Variants in BCAS3 observed in about 807,000 individuals in gnomAD.
BCAS3 encodes the protein BCAS4/BCAS3 fusion.
Under a neutral mutation model 116.1 loss-of-function variants are expected in BCAS3, and 53 were observed. The observed-to-expected ratio is 0.46, with a 90% CI of 0.37 to 0.57. The LOEUF (loss-of-function observed/expected upper bound fraction) is 0.57. Among genes scored for constraint, BCAS3 ranks in the 20% least tolerant of loss-of-function variants. The pLI is 0.00. For missense variants in BCAS3, 917 were observed against 1,165.4 expected (o/e 0.79, Z 3.10); for synonymous variants, 391 against 408.2 (o/e 0.96, Z 0.51).
rs2049652546 is a variant in BCAS3, at chr17:61,265,837, A to G, written c.2426-102490A>G. ...TTTGACTCCACCATTTTTATAATAA[A>G]CACTTGCAAACTCACACCTTCTCTT... On this transcript the variant is annotated intron_variant, in intron 22 of 23. Coordinates refer to ENST00000407086, the MANE Select transcript of BCAS3 (RefSeq NM_017679.5). This position sits in a 1 kb window ranked among gnomAD's most constrained non-coding sequence, Gnocchi z 4.3. 6.6e-6 allele frequency among the ~76,000 whole-genome samples: 1 copy of G among 152,202 alleles called. No individual in the cohort carries two copies. The highest frequency in any genetic ancestry group is 2.1e-4 in the South Asian group (1 of 4,822).
In BCAS3 at chr17:61,204,009, G is replaced by A. The variant is rs1008093898; in HGVS notation, c.2425+119445G>A. The stretch of plus-strand genomic sequence containing the variant: ...CTGGGGTTTTGGCAGCCTGTCCTCG[G>A]GTTGTTCAGCCTGGTGACCCTAGCC... On this transcript the variant is annotated intron_variant, in intron 22 of 23. Transcript: ENST00000407086. The surrounding 1 kb of genome is among the most constrained non-coding windows in gnomAD (Gnocchi z 4.2). 4.6e-5 allele frequency among the ~76,000 whole-genome samples: 7 copies of A among 152,162 alleles called. No individual in the cohort carries two copies. The highest frequency in any genetic ancestry group is 8.8e-5 in the Non-Finnish European group (6 of 68,034).
rs1432653062 is a variant in BCAS3, at chr17:60,967,350, A to C, written c.1221+19998A>C. On this transcript the variant is annotated intron_variant, in intron 14 of 23. Coordinates refer to ENST00000407086, the MANE Select transcript of BCAS3 (RefSeq NM_017679.5). The surrounding 1 kb of genome is among the most constrained non-coding windows in gnomAD (Gnocchi z 4.7). ...GGATGGCAATGTTTTCTCCTTGAGC[A>C]CTTTGAAAATGTTGTTATACTCCCT... Among the ~76,000 whole-genome samples, 1 of 152,142 alleles carries C rather than the reference A, an allele frequency of 6.6e-6. No homozygotes were observed. The highest frequency in any genetic ancestry group is 1.9e-4 in the East Asian group (1 of 5,184).
chr17:61,046,483 A>G (rs942326777), intron 19 of BCAS3, among the ~76,000 whole-genome samples: 1 of 151,772 alleles, frequency 6.6e-6, no homozygotes, highest in African/African-American at 2.4e-5. Flanking sequence ...TGCTGGTACT[A>G]TATTTGCATA....
chr17:61,332,122 C>T lies in BCAS3; in HGVS notation c.2426-36205C>T, dbSNP rs1220904894. ...AAGTGCAGAGAGTTGCCACCCAGCC[C>T]GCCGGGCTCTGGAGCTGGGCCACGG... On this transcript the variant is annotated intron_variant, in intron 22 of 23. Transcript: ENST00000407086. This position sits in a 1 kb window ranked among gnomAD's most constrained non-coding sequence, Gnocchi z 5.4. Among the ~76,000 whole-genome samples the T allele has an allele frequency of 6.6e-6, 1 of 152,194 alleles. No homozygotes were observed. The highest frequency in any genetic ancestry group is 2.4e-5 in the African/African-American group (1 of 41,432).
intron 22 of BCAS3, among the ~76,000 whole-genome samples, chr17:61,169,002 G>C (rs754567755): frequency 6.6e-6 from 1 of 152,118 alleles, no homozygotes; most frequent in Admixed American, 6.5e-5. Context: ...GATCAGACAG[G>C]GGCCTGCTTT....
rs1010141705 is a variant in BCAS3 at position 61,082,704 on chromosome 17, C to T, written c.2328-1763C>T. On this transcript the variant is annotated intron_variant, in intron 21 of 23. Transcript: ENST00000407086. This position sits in a 1 kb window ranked among gnomAD's most constrained non-coding sequence, Gnocchi z 5.1. ...CTTTAAATAAACTTCTCTTTTCTAA[C>T]TGGCCCACATTAGCTTAGGCTTACC... Among the ~76,000 whole-genome samples, 2 of 152,218 alleles carry T rather than the reference C, an allele frequency of 1.3e-5. No homozygotes were observed. Among genetic ancestry groups the T allele is most frequent in the Non-Finnish European group, 2.9e-5 (2 of 68,038 alleles).
chr17:61,229,186 C>T lies in BCAS3; in HGVS notation c.2426-139141C>T, dbSNP rs544702996. Reference sequence around the variant, plus strand: ...GAGCCACCGCACCTGGCCACCACCACATTCCTTTAAGCCAAAGCCTAATCC... The same window carrying T: ...GAGCCACCGCACCTGGCCACCACCATATTCCTTTAAGCCAAAGCCTAATCC... On this transcript the variant is annotated intron_variant, in intron 22 of 23. Transcript: ENST00000407086. This position sits in a 1 kb window ranked among gnomAD's most constrained non-coding sequence, Gnocchi z 4.4. Among the ~76,000 whole-genome samples the T allele has an allele frequency of 1.3e-5, 2 of 152,330 alleles. No homozygotes were observed. Among genetic ancestry groups the T allele is most frequent in the East Asian group, 3.9e-4 (2 of 5,186 alleles).
At chr17:60,831,332 A>T (rs150910448) in intron 7 of BCAS3, among the ~76,000 whole-genome samples, 45 of 151,512 alleles carry the variant, frequency 3.0e-4, no homozygotes, top group African/African-American at 1.0e-3. Flanking sequence ...GCGTGCCACC[A>T]CGCCTAGCTA....
chr17:61,069,720 C>A, intron 19 of BCAS3: 1 of 574,746 alleles, frequency 1.7e-6, no homozygotes, highest in Non-Finnish European at 3.1e-6. Context: ...CGCCTGTAAT[C>A]CCAGCTACTC....
intron 14 of BCAS3, among the ~76,000 whole-genome samples, chr17:60,951,899 G>A (rs914318427): frequency 2.0e-5 from 3 of 151,072 alleles, no homozygotes; most frequent in Non-Finnish European, 4.4e-5. Flanking sequence ...GCACCCCTGA[G>A]TAGCTGGGAC....
chr17:60,772,720 A>T (rs1306868686), intron 6 of BCAS3, among the ~76,000 whole-genome samples: 1 of 152,204 alleles, frequency 6.6e-6, no homozygotes, highest in Non-Finnish European at 1.5e-5. Context: ...TCTCTAGCAA[A>T]AATACAAAAA....
intron 5 of BCAS3, among the ~76,000 whole-genome samples, chr17:60,737,142 G>A (rs2041068293): frequency 6.6e-6 from 1 of 152,124 alleles, no homozygotes; most frequent in Non-Finnish European, 1.5e-5. Context: ...GTTTCGCCAT[G>A]TTGGCCAGGC....
At chr17:60,815,132 A>G (rs990192494) in intron 7 of BCAS3, among the ~76,000 whole-genome samples, 1 of 152,232 alleles carries the variant, frequency 6.6e-6, no homozygotes, top group Non-Finnish European at 1.5e-5. Context: ...GGATGAGTTC[A>G]TGTCCTTTGT....
At chr17:61,057,674 CT>C (rs540006121) in intron 19 of BCAS3, among the ~76,000 whole-genome samples, 59 of 146,262 alleles carry the variant, frequency 4.0e-4, no homozygotes, top group South Asian at 8.7e-4. Flanking sequence ...TGTCTTGTTA[CT>C]TTTTTTTTTT....
At chr17:60,939,392 A>G (rs2060109972) in intron 13 of BCAS3, among the ~76,000 whole-genome samples, 2 of 152,194 alleles carry the variant, frequency 1.3e-5, no homozygotes, top group South Asian at 4.1e-4. Context: ...AGATGGTGCC[A>G]CTGCACTCCA....
intron 16 of BCAS3, among the ~76,000 whole-genome samples, chr17:61,025,091 A>G (rs1235953090): frequency 6.6e-6 from 1 of 152,160 alleles, no homozygotes; most frequent in Non-Finnish European, 1.5e-5. Flanking sequence ...ATTTGTAGGC[A>G]TATAGAAATG....
chr17:61,272,189 C>G (rs1388462147), intron 22 of BCAS3, among the ~76,000 whole-genome samples: 1 of 152,086 alleles, frequency 6.6e-6, no homozygotes, highest in East Asian at 1.9e-4. Flanking sequence ...AAAAGCACTT[C>G]AAACATATTG....
At chr17:60,737,522 A>ATTCAGTCAG (rs1202556022) in intron 5 of BCAS3, among the ~76,000 whole-genome samples, 2 of 152,044 alleles carry the variant, frequency 1.3e-5, no homozygotes, top group Admixed American at 6.5e-5. Flanking sequence ...TTTATAATAT[A>ATTCAGTCAG]TTCAGTCAGT....
In BCAS3 at chr17:60,902,574, G is replaced by C. The variant is rs373412243; in HGVS notation, c.739-46G>C. 36 of 1,463,832 alleles carry C rather than the reference G, an allele frequency of 2.5e-5. No individual in the cohort carries two copies. The African/African-American group carries it at 3.6e-4, about 15-fold the overall frequency. The allele number at this position is 1,463,832 out of a possible 1,614,324, so 90.7% of individuals were successfully genotyped here. A position where few individuals can be genotyped will look rare whatever the true frequency, so the allele number is the denominator to read the frequency against. On this transcript the variant is annotated intron_variant, in intron 10 of 23. Transcript: ENST00000407086. ...TCCTGATAGCCTGTAGAGTTAAACA[G>C]ATTAATAGAAATGACGTTCTGCTTC...
Sources: gnomAD v4.1 joint callset for allele counts (sites outside exome capture counted in the v4.1 genomes callset) on GRCh38, gnomAD v4.1.1 for gene constraint, Gnocchi (gnomAD v3.1) non-coding constraint, MANE v1.5 for transcripts, NCBI Gene and HGNC (gene_info 2026-07-23, HGNC 2026-07-21) for gene names.